REC114: variants seen among roughly 807,000 people sequenced by gnomAD.
REC114 encodes the protein meiotic recombination protein REC114.
In REC114, 27 loss-of-function variants were observed where a neutral mutation model predicts 31.3. The observed-to-expected ratio is 0.86, with a 90% confidence interval of 0.64 to 1.19. The LOEUF (loss-of-function observed/expected upper bound fraction) is 1.19. Ranked by LOEUF, REC114 falls within the 50% of genes most tolerant of loss-of-function variation. The pLI is 0.00. For missense variants in REC114, 344 were observed against 326.9 expected (o/e 1.05, Z -0.40); for synonymous variants, 134 against 127.7 (o/e 1.05, Z -0.33).
At chr15:73,495,633 C>T (rs868586627) in intron 2 of REC114, among the ~76,000 whole-genome samples, 1 of 151,932 alleles carries the variant, frequency 6.6e-6, no homozygotes, top group Non-Finnish European at 1.5e-5. Context: ...TAGTACTTAG[C>T]CAGACCTCTA....
At chr15:73,460,135 C>T (rs907506436) in intron 1 of REC114, among the ~76,000 whole-genome samples, 2 of 152,040 alleles carry the variant, frequency 1.3e-5, no homozygotes, top group African/African-American at 4.8e-5. Flanking sequence ...AGTCTTTGTT[C>T]TCTTTCTTCA....
At chr15:73,465,143 C>T (rs1042112377) in intron 1 of REC114, among the ~76,000 whole-genome samples, 5 of 152,180 alleles carry the variant, frequency 3.3e-5, no homozygotes, top group South Asian at 2.1e-4. Flanking sequence ...CTGCCTGCTT[C>T]GGCCTCCCAA....
intron 2 of REC114, among the ~76,000 whole-genome samples, chr15:73,498,473 A>G (rs753561653): frequency 1.4e-4 from 22 of 152,120 alleles, no homozygotes; most frequent in Non-Finnish European, 2.4e-4. Flanking sequence ...CTAAACTGCT[A>G]AGTAGGTCGA....
intron 1 of REC114, among the ~76,000 whole-genome samples, chr15:73,458,061 A>G (rs1030265526): frequency 1.3e-5 from 2 of 152,154 alleles, no homozygotes; most frequent in African/African-American, 2.4e-5. Flanking sequence ...GGCCTACTGA[A>G]TCAACTTCTG....
At chr15:73,459,529 G>T (rs1212515801) in intron 1 of REC114, among the ~76,000 whole-genome samples, 1 of 152,122 alleles carries the variant, frequency 6.6e-6, no homozygotes, top group Non-Finnish European at 1.5e-5. Flanking sequence ...ACCGCGCCCG[G>T]CCCTAATTAA....
At chr15:73,529,826 C>A (rs1424037353) in intron 2 of REC114, among the ~76,000 whole-genome samples, 1 of 152,112 alleles carries the variant, frequency 6.6e-6, no homozygotes, top group Non-Finnish European at 1.5e-5. Flanking sequence ...CTCCCAGCTC[C>A]TTGAGGGCAG....
chr15:73,452,585 A>G (rs1333603707), intron 1 of REC114, among the ~76,000 whole-genome samples: 5 of 152,208 alleles, frequency 3.3e-5, no homozygotes, highest in African/African-American at 4.8e-5. Context: ...ATTCAATGCT[A>G]TCCCCATCAA....
At chr15:73,453,827 G>T (rs1459801323) in intron 1 of REC114, among the ~76,000 whole-genome samples, 1 of 152,132 alleles carries the variant, frequency 6.6e-6, no homozygotes, top group Non-Finnish European at 1.5e-5. Flanking sequence ...CAGGGACATG[G>T]ATGAAGCTGG....
chr15:73,513,484 G>C lies in REC114; in HGVS notation c.250-27001G>C, dbSNP rs1023301843. 3.2e-4 allele frequency among the ~76,000 whole-genome samples: 47 copies of C among 148,930 alleles called. 2 individuals carry two copies. In the East Asian group the frequency reaches 7.3e-3, roughly 23 times the overall value. The stretch of plus-strand genomic sequence containing the variant: ...TCCATCCAGCTTTGTTCCGTTGCTG[G>C]TGAGGAACTGCGTTCCTTTGGAGGA... On this transcript the variant is annotated intron_variant, in intron 2 of 5. Coordinates refer to ENST00000331090, the MANE Select transcript of REC114 (RefSeq NM_001042367.2).
intron 1 of REC114, 33 bp from the exon 2 acceptor site, chr15:73,473,799 C>T: frequency 8.1e-7 from 1 of 1,236,418 alleles, no homozygotes; most frequent in South Asian, 1.3e-5. Context: ...AATGTATTAT[C>T]TTTTACATAT....
At chr15:73,487,565 A>G (rs764851151) in intron 2 of REC114, among the ~76,000 whole-genome samples, 1 of 152,244 alleles carries the variant, frequency 6.6e-6, no homozygotes, top group Non-Finnish European at 1.5e-5. Flanking sequence ...CTTTGACTTC[A>G]TATCCTACTT....
chr15:73,520,263 T>C (rs1321658214), intron 2 of REC114, among the ~76,000 whole-genome samples: 1 of 152,084 alleles, frequency 6.6e-6, no homozygotes, highest in Non-Finnish European at 1.5e-5. Context: ...TTTGAGATGA[T>C]CCCTGTAGCC....
intron 2 of REC114, among the ~76,000 whole-genome samples, chr15:73,495,066 T>C (rs983409303): frequency 2.0e-5 from 3 of 152,242 alleles, no homozygotes; most frequent in Admixed American, 2.0e-4. Flanking sequence ...GTATTTAGTA[T>C]GAAAATCTTA....
chr15:73,463,514 C>T (rs1893017520), intron 1 of REC114, among the ~76,000 whole-genome samples: 1 of 152,136 alleles, frequency 6.6e-6, no homozygotes, highest in African/African-American at 2.4e-5. Context: ...GTTTTCTCTT[C>T]ATTTACCACT....
intron 2 of REC114, among the ~76,000 whole-genome samples, chr15:73,491,343 AT>A (rs894972511): frequency 2.1e-5 from 2 of 93,870 alleles, no homozygotes; most frequent in African/African-American, 7.8e-5. Context: ...TATTATCTTA[AT>A]TTCTTTGTGT....
chr15:73,559,792 A>C lies in REC114; in HGVS notation c.677A>C (p.Gln226Pro). 2.5e-6 allele frequency: 4 copies of C among 1,608,918 alleles called. No homozygotes were observed. Among genetic ancestry groups the C allele is most frequent in the Non-Finnish European group, 3.4e-6 (4 of 1,178,482 alleles). ...ASEELPHVYE[Q>P]SAWGAEELGP... ...GAGGAGCTGCCCCATGTCTATGAACAATCTGCATGGGGTGCAGAAGAGTTA... is the reference window on the plus strand; with the variant it reads ...GAGGAGCTGCCCCATGTCTATGAACCATCTGCATGGGGTGCAGAAGAGTTA... The change falls in exon 6 of 6, where the codon CAA (glutamine) becomes CCA (proline). Residue 226 changes from glutamine (Q) to proline (P), a missense_variant. Coordinates refer to ENST00000331090, the MANE Select transcript of REC114 (RefSeq NM_001042367.2).
At chr15:73,501,341 C>T (rs1893601728) in intron 2 of REC114, among the ~76,000 whole-genome samples, 1 of 152,146 alleles carries the variant, frequency 6.6e-6, no homozygotes, top group Non-Finnish European at 1.5e-5. Context: ...CCTTGTCATT[C>T]TTCTTCTATT....
intron 1 of REC114, among the ~76,000 whole-genome samples, chr15:73,470,069 A>G (rs1893113227): frequency 1.3e-5 from 2 of 151,876 alleles, no homozygotes; most frequent in Non-Finnish European, 2.9e-5. Context: ...TGTCTTTTTT[A>G]TCCAATCTGA....
chr15:73,462,884 C>CAAAAAAAAAAA lies in REC114; in HGVS notation c.160-10935_160-10925dup, dbSNP rs769569268. Among the ~76,000 whole-genome samples the CAAAAAAAAAAA allele has an allele frequency of 6.6e-3, 366 of 55,612 alleles. 36 individuals carry two copies. The highest frequency in any genetic ancestry group is 0.024 in the African/African-American group (341 of 14,150). 36.5% of individuals were successfully genotyped at this position (55,612 alleles called of 152,430 possible). ...TGGGCAACAGAGTGAGACTCCGTCT[C>CAAAAAAAAAAA]AAAAAAAAAAAAAAAAAAAAAAATT... On this transcript the variant is annotated intron_variant, in intron 1 of 5. Transcript: ENST00000331090.
Sources: allele counts gnomAD v4.1 joint callset (sites outside exome capture counted in the v4.1 genomes callset), GRCh38; gene constraint gnomAD v4.1.1; transcripts MANE v1.5; gene names NCBI Gene and HGNC (gene_info 2026-07-23, HGNC 2026-07-21).